Variants in MPP4 observed in about 807,000 individuals in gnomAD.
MPP4 encodes MAGUK p55 subfamily member 4.
MPP4 carries 91 observed loss-of-function variants against 98.3 expected under a neutral mutation model. The ratio of observed to expected loss-of-function variants is 0.93; its 90% CI spans 0.78 to 1.10. The LOEUF (loss-of-function observed/expected upper bound fraction) is 1.10. Ranked by LOEUF, MPP4 falls within the 50% of genes least tolerant of loss-of-function variation. MPP4 has a pLI of 0.00. For missense variants in MPP4, 744 were observed against 792.9 expected (o/e 0.94, Z 0.74); for synonymous variants, 261 against 271.8 (o/e 0.96, Z 0.39).
chr2:201,667,391 T>C (rs1437750133), intron 12 of MPP4, among the ~76,000 whole-genome samples: 1 of 152,244 alleles, frequency 6.6e-6, no homozygotes, highest in Admixed American at 6.5e-5. Flanking sequence ...CCTTGAACTG[T>C]CTGCTACTGC....
At chr2:201,659,516 T>C (rs1180947232) in intron 15 of MPP4, among the ~76,000 whole-genome samples, 1 of 152,230 alleles carries the variant, frequency 6.6e-6, no homozygotes, top group Admixed American at 6.5e-5. Flanking sequence ...CCTTCTCAAA[T>C]ATACAGCTCT....
intron 18 of MPP4, 167 bp from the exon 19 acceptor site, chr2:201,650,332 A>C: frequency 1.0e-6 from 1 of 985,476 alleles, no homozygotes; most frequent in South Asian, 4.7e-5. Flanking sequence ...AAGTTCTCGT[A>C]TCAAAATCAG....
chr2:201,688,923 A>G (rs190059837), intron 4 of MPP4, among the ~76,000 whole-genome samples: 54 of 152,240 alleles, frequency 3.5e-4, no homozygotes, highest in African/African-American at 1.3e-3. Context: ...AGCCTGATGA[A>G]TTTAAACAAT....
At position 201,645,062 on chromosome 2, in the gene MPP4, A is replaced by T. The variant is rs993146669; in HGVS notation, c.*148T>A. 24 of 685,872 alleles carry T rather than the reference A, an allele frequency of 3.5e-5. No homozygotes were observed. Among genetic ancestry groups the T allele is most frequent in the Middle Eastern group, 8.7e-4 (2 of 2,288 alleles). The allele number at this position is 685,872 out of a possible 1,614,324, so 42.5% of individuals were successfully genotyped here. On this transcript the variant is annotated 3_prime_UTR_variant, in exon 22 of 22. Transcript: ENST00000409474. ...GTAACCACATAACCATACAATAAAA[A>T]TTTTTTTCAAATAAGATTAATTAAT...
At chr2:201,673,212 G>A (rs992373414) in intron 11 of MPP4, among the ~76,000 whole-genome samples, 1 of 152,062 alleles carries the variant, frequency 6.6e-6, no homozygotes, top group African/African-American at 2.4e-5. Context: ...CTGATGGAAC[G>A]TATCTCAAAA....
At chr2:201,677,278 TG>T (rs1012279528) in intron 10 of MPP4, among the ~76,000 whole-genome samples, 3 of 152,134 alleles carry the variant, frequency 2.0e-5, no homozygotes, top group Non-Finnish European at 4.4e-5. Flanking sequence ...ATGTTCCCTC[TG>T]GGGGAAACTC....
At chr2:201,660,585 A>ACT (rs1009297221) in intron 14 of MPP4, among the ~76,000 whole-genome samples, 1 of 151,792 alleles carries the variant, frequency 6.6e-6, no homozygotes, top group Admixed American at 6.6e-5. Flanking sequence ...GCCTATCAAG[A>ACT]CTCTCCCTGA....
At chr2:201,684,210 C>A (rs962736034) in intron 7 of MPP4, among the ~76,000 whole-genome samples, 1 of 76,620 alleles carries the variant, frequency 1.3e-5, no homozygotes, top group East Asian at 4.3e-4. Context: ...CAGATTAAGA[C>A]CCTGTCTCAA....
chr2:201,682,453 G>C (rs1006655231), intron 8 of MPP4, among the ~76,000 whole-genome samples: 4 of 152,188 alleles, frequency 2.6e-5, no homozygotes, highest in African/African-American at 9.7e-5. Context: ...AAGTGTTAGT[G>C]GGGGAAGGAG....
chr2:201,663,986 ATATT>A, intron 14 of MPP4, 91 bp downstream of exon 14: 1 of 861,850 alleles, frequency 1.2e-6, no homozygotes, highest in Middle Eastern at 3.5e-4. Context: ...TAATGTTGAT[ATATT>A]TAAACAGTTA....
At chr2:201,652,493 G>A (rs1687740517) in intron 18 of MPP4, among the ~76,000 whole-genome samples, 1 of 152,060 alleles carries the variant, frequency 6.6e-6, no homozygotes, top group African/African-American at 2.4e-5. Context: ...AACACTAGCG[G>A]TTTCCATGAC....
chr2:201,658,512 T>G lies in MPP4; in HGVS notation c.1094A>C (p.Glu365Ala). Residue 365 changes from glutamate (E) to alanine (A), a missense_variant, in exon 16 of 22, where the codon GAG becomes GCG. By Grantham distance (107) the Glu-to-Ala change is moderately radical. Coordinates refer to ENST00000409474, the MANE Select transcript of MPP4 (RefSeq NM_033066.3). ...FESEELSEDK[E>A]EFVGYGQKFF... Reference sequence around the variant, plus strand: ...CTTCTGACCGTAGCCAACAAACTCCTCCTTGTCTGAAACACAAAGAACAGA... The same window carrying G: ...CTTCTGACCGTAGCCAACAAACTCCGCCTTGTCTGAAACACAAAGAACAGA... 1 of 1,612,822 alleles carries G rather than the reference T, an allele frequency of 6.2e-7. No individual in the cohort carries two copies.
chr2:201,651,495 G>C (rs542297264), intron 18 of MPP4: 1 of 985,372 alleles, frequency 1.0e-6, no homozygotes, highest in South Asian at 4.7e-5. Context: ...TAAAGTCTGT[G>C]AATTGATGTA....
intron 15 of MPP4, among the ~76,000 whole-genome samples, chr2:201,659,163 T>C (rs1574606414): frequency 6.6e-6 from 1 of 152,236 alleles, no homozygotes; most frequent in Non-Finnish European, 1.5e-5. Context: ...CCCAAACTGC[T>C]GGGATTACAG....
intron 10 of MPP4, among the ~76,000 whole-genome samples, chr2:201,678,347 A>C (rs1044122983): frequency 2.6e-5 from 4 of 152,112 alleles, no homozygotes; most frequent in Non-Finnish European, 5.9e-5. Context: ...AATCCCTATA[A>C]GACCCCTTCC....
intron 14 of MPP4, among the ~76,000 whole-genome samples, chr2:201,660,609 C>G (rs902997458): frequency 1.3e-5 from 2 of 152,136 alleles, no homozygotes; most frequent in Non-Finnish European, 2.9e-5. Context: ...CTTTTTAACT[C>G]AGGAAGACTC....
At chr2:201,651,593 C>T (rs1211790310) in intron 18 of MPP4, 6 of 984,666 alleles carry the variant, frequency 6.1e-6, no homozygotes, top group African/African-American at 1.7e-5. Flanking sequence ...GATTAAAAAT[C>T]TACGTTGATA....
intron 11 of MPP4, among the ~76,000 whole-genome samples, chr2:201,673,208 G>C (rs1688393518): frequency 6.6e-6 from 1 of 152,144 alleles, no homozygotes; most frequent in African/African-American, 2.4e-5. Context: ...GGTACTGATG[G>C]AACGTATCTC....
intron 11 of MPP4, among the ~76,000 whole-genome samples, chr2:201,671,522 C>T (rs1189057245): frequency 6.6e-6 from 1 of 152,096 alleles, no homozygotes; most frequent in Non-Finnish European, 1.5e-5. Flanking sequence ...CATGCAAAGA[C>T]ACACATAGCC....
Sources: gnomAD v4.1 joint callset for allele counts (sites outside exome capture counted in the v4.1 genomes callset) on GRCh38, gnomAD v4.1.1 for gene constraint, MANE v1.5 for transcripts, NCBI Gene and HGNC (gene_info 2026-07-23, HGNC 2026-07-21) for gene names.